The following CAST variants were observed in gnomAD, a reference collection of about 807,000 sequenced individuals.
CAST encodes the protein calpastatin.
CAST carries 76 observed loss-of-function variants against 119.6 expected under a neutral mutation model. The observed-to-expected ratio is 0.64, with a 90% CI of 0.53 to 0.77. The LOEUF (loss-of-function observed/expected upper bound fraction) is 0.77. CAST is among the 30% of genes least tolerant of loss of function. The pLI, the probability that CAST is intolerant of heterozygous loss-of-function variation, is 0.00. For missense variants in CAST, 953 were observed against 946.5 expected, an observed-to-expected ratio of 1.01 and a Z score of -0.09; for synonymous variants, 319 against 331.6, an observed-to-expected ratio of 0.96 and a Z score of 0.41.
chr5:96,361,944 C>T, the CAST span, among the ~76,000 whole-genome samples: 2 of 150,534 alleles, frequency 1.3e-5, no homozygotes, highest in Admixed American at 1.3e-4. Context: ...ATTAACTTGT[C>T]ATTTACATTA....
chr5:96,273,092 A>C, the CAST span, among the ~76,000 whole-genome samples: 5 of 152,250 alleles, frequency 3.3e-5, no homozygotes, highest in Non-Finnish European at 7.3e-5. Flanking sequence ...ATGCTAAGAG[A>C]AGGAACAACC....
At chr5:96,699,622 C>G (rs114316615) in intron 3 of CAST, among the ~76,000 whole-genome samples, 8 of 152,308 alleles carry the variant, frequency 5.3e-5, no homozygotes, top group South Asian at 4.1e-4. Flanking sequence ...AGCCTGCACA[C>G]GTTGCTCACT....
chr5:96,215,078 G>A, the CAST span: 3 of 152,080 alleles, frequency 2.0e-5, no homozygotes, highest in African/African-American at 7.2e-5. Flanking sequence ...GAAACCACAA[G>A]CAGAAAAACC....
chr5:96,309,803 T>C, the CAST span, among the ~76,000 whole-genome samples: 1 of 152,222 alleles, frequency 6.6e-6, no homozygotes, highest in African/African-American at 2.4e-5. Context: ...ACCAGTCCCA[T>C]TGAGATGAAC....
At chr5:96,504,078 T>A in the CAST span, among the ~76,000 whole-genome samples, 4 of 152,258 alleles carry the variant, frequency 2.6e-5, no homozygotes, top group African/African-American at 9.6e-5. Context: ...GTGTGCTTTC[T>A]CTGAGGGCCG....
At chr5:96,113,055 C>T in the CAST span, among the ~76,000 whole-genome samples, 363 of 152,304 alleles carry the variant, frequency 2.4e-3, 1 homozygote, top group African/African-American at 8.4e-3. Flanking sequence ...TTGATCCCAT[C>T]TAGAAGGGCT....
chr5:96,422,663 T>A, the CAST span, among the ~76,000 whole-genome samples: 1,650 of 152,294 alleles, frequency 0.011, 31 homozygotes, highest in African/African-American at 0.037. Flanking sequence ...AGCTGGGGAA[T>A]GTTTGATAGG....
chr5:95,978,275 T>G, the CAST span, among the ~76,000 whole-genome samples: 1 of 152,202 alleles, frequency 6.6e-6, no homozygotes, highest in Non-Finnish European at 1.5e-5. Context: ...ACAGTGTATA[T>G]GTGTTCTTCT....
the CAST span, among the ~76,000 whole-genome samples, chr5:96,316,232 T>A: frequency 2.6e-4 from 39 of 152,166 alleles, no homozygotes; most frequent in Non-Finnish European, 2.8e-4. Context: ...TATGTAAACT[T>A]CTCCATTTGC....
chr5:96,477,696 T>C, the CAST span, among the ~76,000 whole-genome samples: 1 of 152,186 alleles, frequency 6.6e-6, no homozygotes, highest in African/African-American at 2.4e-5. Flanking sequence ...CATCATTTCT[T>C]TTGCAGGTGA....
chr5:96,275,868 G>A, the CAST span, among the ~76,000 whole-genome samples: 5 of 152,182 alleles, frequency 3.3e-5, no homozygotes, highest in Admixed American at 3.3e-4. Context: ...TCTAACAAAT[G>A]TTTTCGAGGA....
At chr5:96,150,846 G>A in the CAST span, among the ~76,000 whole-genome samples, 3 of 152,154 alleles carry the variant, frequency 2.0e-5, no homozygotes, top group African/African-American at 7.2e-5. Context: ...GAGCAGGCCT[G>A]GGAAGCTTGG....
chr5:96,607,168 G>T (rs760124950), intron 1 of CAST, among the ~76,000 whole-genome samples: 1 of 152,076 alleles, frequency 6.6e-6, no homozygotes, highest in Non-Finnish European at 1.5e-5. Context: ...GGCGCCTGTA[G>T]TCCCAGCTAC....
At chr5:96,700,359 CATAAT>C (rs1296790594) in intron 3 of CAST, among the ~76,000 whole-genome samples, 4 of 152,092 alleles carry the variant, frequency 2.6e-5, no homozygotes, top group South Asian at 2.1e-4. Context: ...ATTAAGTAAA[CATAAT>C]ATATCTATGG....
At chr5:96,131,173 T>A in the CAST span, among the ~76,000 whole-genome samples, 2 of 152,062 alleles carry the variant, frequency 1.3e-5, no homozygotes, top group Non-Finnish European at 2.9e-5. Context: ...ATGGTATATA[T>A]AGACTGTAAA....
chr5:96,015,070 G>A, the CAST span, among the ~76,000 whole-genome samples: 1 of 152,140 alleles, frequency 6.6e-6, no homozygotes, highest in Non-Finnish European at 1.5e-5. Flanking sequence ...TAGGTGAGAA[G>A]CTAAGTAACT....
the CAST span, among the ~76,000 whole-genome samples, chr5:96,343,857 T>C: frequency 6.6e-6 from 1 of 152,224 alleles, no homozygotes; most frequent in Non-Finnish European, 1.5e-5. Context: ...TATCCTGCTC[T>C]ACTGCACTAT....
the CAST span, among the ~76,000 whole-genome samples, chr5:96,320,688 C>T: frequency 5.3e-5 from 8 of 149,602 alleles, no homozygotes; most frequent in African/African-American, 1.2e-4. Flanking sequence ...TAACTTGCTG[C>T]TCCTCATCAC....
At chr5:96,260,561 A>G in the CAST span, among the ~76,000 whole-genome samples, 1 of 152,238 alleles carries the variant, frequency 6.6e-6, no homozygotes, top group South Asian at 2.1e-4. Flanking sequence ...TGCATTTATA[A>G]TGATAACATT....
Sources: allele counts gnomAD v4.1 joint callset (sites outside exome capture counted in the v4.1 genomes callset), GRCh38; gene constraint gnomAD v4.1.1; transcripts MANE v1.5; gene names NCBI Gene and HGNC (gene_info 2026-07-23, HGNC 2026-07-21).